ARL13B: variants seen among roughly 807,000 people sequenced by gnomAD.
The protein encoded by ARL13B is ARF like GTPase 13B, also known as ADP-ribosylation factor-like protein 13B.
Under a neutral mutation model 56.1 loss-of-function variants are expected in ARL13B, and 36 were observed. The ratio of observed to expected loss-of-function variants is 0.64; its 90% CI spans 0.49 to 0.85. The LOEUF (loss-of-function observed/expected upper bound fraction) is 0.85. Among genes scored for constraint, ARL13B ranks in the 40% least tolerant of loss-of-function variants. The pLI, the probability that ARL13B is intolerant of heterozygous loss-of-function variation, is 0.00. For missense variants in ARL13B, 519 were observed against 507.1 expected (o/e 1.02, Z -0.23); for synonymous variants, 178 against 171.1 (o/e 1.04, Z -0.32).
intron 3 of ARL13B, among the ~76,000 whole-genome samples, chr3:94,023,401 A>G (rs2076490145): frequency 6.6e-6 from 1 of 151,942 alleles, no homozygotes; most frequent in South Asian, 2.1e-4. Context: ...TTTCACAACA[A>G]TGTGATCTGG....
In ARL13B at chr3:94,054,372, C is replaced by T. The variant is rs1178391592; in HGVS notation, c.*1109C>T. On this transcript the variant is annotated 3_prime_UTR_variant, in exon 10 of 10. Transcript: ENST00000394222. ...AATTTCTTAATTTAAAATGATAGCA[C>T]TTCTCTTGCACTTAAGAATGGCATC... 2 of 426,634 alleles carry T rather than the reference C, an allele frequency of 4.7e-6. No individual in the cohort carries two copies. Among genetic ancestry groups the T allele is most frequent in the African/African-American group, 2.0e-5 (1 of 48,816 alleles). The allele number at this position is 426,634 out of a possible 1,614,324, so 26.4% of individuals were successfully genotyped here. A position where few individuals can be genotyped will look rare whatever the true frequency, so the allele number is the denominator to read the frequency against.
rs1239330108 is a variant in ARL13B at position 94,054,427 on chromosome 3, AACTT to A, written c.*1165_*1168del. 7 of 376,440 alleles carry A rather than the reference AACTT, an allele frequency of 1.9e-5. No homozygotes were observed. The East Asian group carries it at 5.2e-4, about 28-fold the overall frequency. The allele number at this position is 376,440 out of a possible 1,614,324, so 23.3% of individuals were successfully genotyped here. A position where few individuals can be genotyped will look rare whatever the true frequency, so the allele number is the denominator to read the frequency against. ...AGATTCTGTATTTGGCATTTAGACT[AACTT>A]CTAGATGTATATTTTTAATAATAGA... On this transcript the variant is annotated 3_prime_UTR_variant, in exon 10 of 10. Coordinates refer to ENST00000394222, the MANE Select transcript of ARL13B (RefSeq NM_001174150.2).
At chr3:94,053,004 C>A (rs908941854) in intron 9 of ARL13B, among the ~76,000 whole-genome samples, 183 bp from the exon 10 acceptor site, 5 of 152,058 alleles carry the variant, frequency 3.3e-5, no homozygotes, top group Non-Finnish European at 7.4e-5. Context: ...ATGTTGGTGC[C>A]ATCTCTTAAG....
At chr3:93,992,168 G>T (rs549854879) in intron 1 of ARL13B, among the ~76,000 whole-genome samples, 1 of 152,058 alleles carries the variant, frequency 6.6e-6, no homozygotes, top group East Asian at 1.9e-4. Context: ...TAGTATATAT[G>T]TATTTAGATG....
chr3:93,980,698 A>G (rs1710170880), intron 1 of ARL13B, among the ~76,000 whole-genome samples: 1 of 151,464 alleles, frequency 6.6e-6, no homozygotes, highest in South Asian at 2.1e-4. Context: ...CCGTTGTTAT[A>G]TTTTAAATAG....
chr3:94,023,611 A>G (rs528151447), intron 3 of ARL13B, among the ~76,000 whole-genome samples: 28 of 152,284 alleles, frequency 1.8e-4, no homozygotes, highest in Non-Finnish European at 2.6e-4. Flanking sequence ...GCAACGTCCA[A>G]ATAAGGGGAA....
intron 3 of ARL13B, among the ~76,000 whole-genome samples, chr3:94,012,449 T>C (rs1221865651): frequency 6.6e-6 from 1 of 152,182 alleles, no homozygotes; most frequent in Non-Finnish European, 1.5e-5. Context: ...CTTTTAAATC[T>C]ATCAGAAGTT....
At chr3:94,030,756 G>T (rs1462296966) in intron 3 of ARL13B, among the ~76,000 whole-genome samples, 5 of 152,062 alleles carry the variant, frequency 3.3e-5, no homozygotes, top group Admixed American at 6.5e-5. Flanking sequence ...ATGTTAACCT[G>T]CACTTAGTAG....
rs141133142 is a variant in ARL13B, at chr3:93,999,333, C to T, written c.130+3389C>T. ...CATAGCTCACTGTAATCTCAAACTC[C>T]TGGGCTCAAGCTATCCTCCTGCCTC... is the stretch of plus-strand genomic sequence containing the variant. On this transcript the variant is annotated intron_variant, in intron 2 of 9. Transcript: ENST00000394222. Among the ~76,000 whole-genome samples, 470 of 152,200 alleles carry T rather than the reference C, an allele frequency of 3.1e-3. 3 individuals carry two copies. The highest frequency in any genetic ancestry group is 0.011 in the African/African-American group (452 of 41,536).
chr3:94,046,598 G>A (rs1405811950), intron 7 of ARL13B, among the ~76,000 whole-genome samples: 1 of 151,820 alleles, frequency 6.6e-6, no homozygotes, highest in East Asian at 1.9e-4. Context: ...GCATTCAGGT[G>A]TATACTGTTT....
chr3:93,984,076 C>T (rs1319746441), intron 1 of ARL13B, among the ~76,000 whole-genome samples: 5 of 152,330 alleles, frequency 3.3e-5, no homozygotes, highest in East Asian at 1.9e-4. Context: ...TCATAAGGGG[C>T]GGAGCACGGT....
intron 3 of ARL13B, among the ~76,000 whole-genome samples, chr3:94,009,997 A>G (rs2076197774): frequency 2.0e-5 from 3 of 152,226 alleles, no homozygotes; most frequent in Middle Eastern, 3.4e-3. Context: ...GATATTGTCC[A>G]TGGACCACCT....
At position 94,053,387 on chromosome 3, in the gene ARL13B, G is replaced by C. The variant is rs749390467; in HGVS notation, c.*124G>C. 1 of 864,298 alleles carries C rather than the reference G, an allele frequency of 1.2e-6. No individual in the cohort carries two copies. The highest frequency in any genetic ancestry group is 1.7e-5 in the African/African-American group (1 of 60,588). 53.5% of individuals were successfully genotyped at this position (864,298 alleles called of 1,614,324 possible). On this transcript the variant is annotated 3_prime_UTR_variant, in exon 10 of 10. Coordinates refer to ENST00000394222, the MANE Select transcript of ARL13B (RefSeq NM_001174150.2). ...AAGATAACCATAATAATTTTAGTGA[G>C]AAGATTAATACTCAAGGACCTGACT... is the stretch of plus-strand genomic sequence containing the variant.
intron 3 of ARL13B, among the ~76,000 whole-genome samples, chr3:94,032,646 G>A (rs1295410498): frequency 6.6e-6 from 1 of 152,098 alleles, no homozygotes; most frequent in Non-Finnish European, 1.5e-5. Context: ...ACAGGCGCCT[G>A]CCACCACGCC....
chr3:94,020,432 C>T (rs1470326781), intron 3 of ARL13B, among the ~76,000 whole-genome samples: 1 of 152,138 alleles, frequency 6.6e-6, no homozygotes, highest in Non-Finnish European at 1.5e-5. Flanking sequence ...AAGGACTCAA[C>T]TCTTTATACG....
chr3:93,987,560 A>G (rs1710528695), intron 1 of ARL13B, among the ~76,000 whole-genome samples: 1 of 152,006 alleles, frequency 6.6e-6, no homozygotes, highest in African/African-American at 2.4e-5. Flanking sequence ...TTTGTAATGG[A>G]GATTTTATTT....
chr3:94,034,975 T>C (rs4470565), intron 3 of ARL13B, among the ~76,000 whole-genome samples: 4,029 of 152,208 alleles, frequency 0.026, 101 homozygotes, highest in East Asian at 0.11. Context: ...GTGGATGATA[T>C]CTGTAATCCC....
At chr3:94,018,452 C>A (rs2076379085) in intron 3 of ARL13B, among the ~76,000 whole-genome samples, 1 of 152,016 alleles carries the variant, frequency 6.6e-6, no homozygotes, top group Admixed American at 6.6e-5. Flanking sequence ...TTTGGCTCTT[C>A]CTTTATCACT....
intron 3 of ARL13B, among the ~76,000 whole-genome samples, chr3:94,015,845 C>T (rs537945527): frequency 7.4e-4 from 113 of 152,206 alleles, no homozygotes; most frequent in African/African-American, 2.7e-3. Context: ...TATTACTTGG[C>T]ATAATGTTTT....
Sources: gnomAD v4.1 joint callset for allele counts (sites outside exome capture counted in the v4.1 genomes callset) on GRCh38, gnomAD v4.1.1 for gene constraint, MANE v1.5 for transcripts, NCBI Gene and HGNC (gene_info 2026-07-23, HGNC 2026-07-21) for gene names.